The following CDH13 variants were observed in gnomAD, a reference collection of about 807,000 sequenced individuals.
The protein encoded by CDH13 is cadherin 13, also known as cadherin-13.
In CDH13, 24 loss-of-function variants were observed where a neutral mutation model predicts 63.8. That is an observed-to-expected ratio of 0.38 (90% CI 0.27 to 0.53). CDH13 has a LOEUF of 0.53. Among genes scored for constraint, CDH13 ranks in the 20% least tolerant of loss-of-function variants. The probability of loss-of-function intolerance (pLI) is 0.85; values close to 1 mark genes in which losing one functional copy is unlikely to be tolerated. For missense variants in CDH13, 1,049 were observed against 903.1 expected, an observed-to-expected ratio of 1.16 and a Z score of -2.07; for synonymous variants, 503 against 355.3, an observed-to-expected ratio of 1.42 and a Z score of -4.67.
intron 3 of CDH13, among the ~76,000 whole-genome samples, chr16:83,091,732 CT>C (rs979491503): frequency 2.0e-4 from 30 of 152,116 alleles, no homozygotes; most frequent in Non-Finnish European, 4.0e-4. Flanking sequence ...TAAGGGAAGG[CT>C]TTTTTGTCTG....
intron 5 of CDH13, among the ~76,000 whole-genome samples, chr16:83,312,182 C>T (rs1313172867): frequency 1.3e-5 from 2 of 152,004 alleles, no homozygotes; most frequent in Non-Finnish European, 2.9e-5. Flanking sequence ...ATCTCCTTCT[C>T]TCCCTGGTCT....
chr16:82,933,882 TG>T (rs2042581946), intron 2 of CDH13, among the ~76,000 whole-genome samples: 2 of 152,230 alleles, frequency 1.3e-5, no homozygotes, highest in South Asian at 4.1e-4. Flanking sequence ...GCAGGAAGTG[TG>T]TTCCCATGGC....
chr16:83,706,014 CTG>C (rs1369497453), intron 10 of CDH13, among the ~76,000 whole-genome samples: 1 of 152,176 alleles, frequency 6.6e-6, no homozygotes, highest in Non-Finnish European at 1.5e-5. Context: ...TTTCGTGTCT[CTG>C]TGGTTTTAAT....
intron 5 of CDH13, among the ~76,000 whole-genome samples, chr16:83,315,498 C>T (rs976274287): frequency 6.6e-6 from 1 of 152,124 alleles, no homozygotes; most frequent in Admixed American, 6.5e-5. Flanking sequence ...CCGTGAATGA[C>T]TAACTGGTGA....
At chr16:83,118,322 G>A (rs969902904) in intron 3 of CDH13, among the ~76,000 whole-genome samples, 4 of 152,208 alleles carry the variant, frequency 2.6e-5, no homozygotes, top group African/African-American at 9.7e-5. Context: ...GTGGGTCTAG[G>A]CAGCTGATGC....
Position 83,014,760 on chromosome 16 carries a change from A to G in CDH13, c.158-17250A>G, listed in dbSNP as rs1482643052. On this transcript the variant is annotated intron_variant, in intron 2 of 13. Coordinates refer to ENST00000567109, the MANE Select transcript of CDH13 (RefSeq NM_001257.5). ...AAAAAAAAAATATATATATATATAT[A>G]TATATATATATATATGTATATATAT... 7.3e-5 allele frequency among the ~76,000 whole-genome samples: 4 copies of G among 55,096 alleles called. No homozygotes were observed. The Admixed American group carries it at 7.8e-4, about 11-fold the overall frequency. 36.1% of individuals were successfully genotyped at this position (55,096 alleles called of 152,430 possible).
intron 2 of CDH13, among the ~76,000 whole-genome samples, chr16:82,976,877 C>T (rs145216993): frequency 3.4e-4 from 52 of 152,154 alleles, no homozygotes; most frequent in South Asian, 1.5e-3. Context: ...TGGTGAGTTG[C>T]GGGAAGGGGA....
chr16:83,788,481 TAAAAAAAAAAGACTTGGCAGTA>T (rs1567597186), intron 13 of CDH13, among the ~76,000 whole-genome samples: 1 of 149,664 alleles, frequency 6.7e-6, no homozygotes, highest in Non-Finnish European at 1.5e-5. Context: ...TTTTTTAGAT[TAAAAAAAAAAGACTTGGCAGTA>T]TTTTTTTCTT....
chr16:83,238,330 A>G (rs973332373), intron 5 of CDH13, among the ~76,000 whole-genome samples: 1 of 152,226 alleles, frequency 6.6e-6, no homozygotes, highest in African/African-American at 2.4e-5. Flanking sequence ...GGCGGCAGGC[A>G]AGAGAGCGTG....
chr16:83,743,967 T>C lies in CDH13; in HGVS notation c.1539-4141T>C, dbSNP rs117181368. On this transcript the variant is annotated intron_variant, in intron 10 of 13. Coordinates refer to ENST00000567109, the MANE Select transcript of CDH13 (RefSeq NM_001257.5). The stretch of plus-strand genomic sequence containing the variant: ...CAGCATGCTGGTGCTACATTCCAGC[T>C]CTGTCTCTTATTAACTGGGCCGCTT... Among the ~76,000 whole-genome samples the C allele has an allele frequency of 4.6e-3, 704 of 151,982 alleles. 2 individuals carry two copies. The highest frequency in any genetic ancestry group is 6.5e-3 in the Non-Finnish European group (443 of 67,946).
intron 2 of CDH13, among the ~76,000 whole-genome samples, chr16:83,009,382 G>A (rs915013876): frequency 6.6e-6 from 1 of 152,142 alleles, no homozygotes; most frequent in South Asian, 2.1e-4. Flanking sequence ...GTGAACTGTG[G>A]TTGAGTTTGT....
At chr16:83,107,796 C>G (rs557720410) in intron 3 of CDH13, among the ~76,000 whole-genome samples, 2 of 143,908 alleles carry the variant, frequency 1.4e-5, no homozygotes, top group Non-Finnish European at 3.1e-5. Context: ...CTCCTCTTTT[C>G]TTTTCTTTTT....
intron 4 of CDH13, among the ~76,000 whole-genome samples, chr16:83,163,424 A>G (rs987887044): frequency 1.3e-5 from 2 of 152,100 alleles, no homozygotes; most frequent in African/African-American, 4.8e-5. Flanking sequence ...AACAATGGCT[A>G]TAATTGTGAA....
At chr16:83,261,898 T>A (rs144483037) in intron 5 of CDH13, among the ~76,000 whole-genome samples, 180 of 152,238 alleles carry the variant, frequency 1.2e-3, no homozygotes, top group Non-Finnish European at 2.1e-3. Flanking sequence ...AAGAGTCTTA[T>A]GAGCCTGATA....
chr16:83,066,249 C>A (rs958642402), intron 3 of CDH13, among the ~76,000 whole-genome samples: 2 of 152,182 alleles, frequency 1.3e-5, no homozygotes, highest in African/African-American at 2.4e-5. Flanking sequence ...CTAGGGGAAT[C>A]AGTTTCTCAA....
chr16:82,672,920 T>G (rs1193856649), intron 1 of CDH13, among the ~76,000 whole-genome samples: 1 of 151,170 alleles, frequency 6.6e-6, no homozygotes, highest in Admixed American at 6.6e-5. Context: ...GCTCAAATCT[T>G]CCTTCTGCCT....
chr16:83,438,062 C>G (rs985288522), intron 6 of CDH13, among the ~76,000 whole-genome samples: 4 of 152,148 alleles, frequency 2.6e-5, no homozygotes, highest in African/African-American at 9.7e-5. Flanking sequence ...AGAGTGGACT[C>G]TAAAGCACAC....
At chr16:82,792,503 C>A (rs569544831) in intron 1 of CDH13, among the ~76,000 whole-genome samples, 4 of 152,134 alleles carry the variant, frequency 2.6e-5, no homozygotes, top group Admixed American at 6.5e-5. Flanking sequence ...GTTCTGGACT[C>A]CCTGAGGACC....
At chr16:83,444,201 G>C (rs1208037975) in intron 6 of CDH13, among the ~76,000 whole-genome samples, 2 of 152,130 alleles carry the variant, frequency 1.3e-5, no homozygotes, top group African/African-American at 2.4e-5. Flanking sequence ...TGACAATGAT[G>C]ATGATGATAA....
Sources: allele counts gnomAD v4.1 joint callset (sites outside exome capture counted in the v4.1 genomes callset), GRCh38; gene constraint gnomAD v4.1.1; transcripts MANE v1.5; gene names NCBI Gene and HGNC (gene_info 2026-07-23, HGNC 2026-07-21).